The following CAPN14 variants were observed in gnomAD, a reference collection of about 807,000 sequenced individuals.
CAPN14 encodes the protein calpain-14.
Under a neutral mutation model 101.3 loss-of-function variants are expected in CAPN14, and 94 were observed. The ratio of observed to expected loss-of-function variants is 0.93; its 90% CI spans 0.79 to 1.10. The LOEUF (loss-of-function observed/expected upper bound fraction) is 1.10. CAPN14 is among the 50% of genes least tolerant of loss of function. The pLI, the probability that CAPN14 is intolerant of heterozygous loss-of-function variation, is 0.00. For missense variants in CAPN14, 837 were observed against 828.4 expected, an observed-to-expected ratio of 1.01 and a Z score of -0.13; for synonymous variants, 338 against 317.9, an observed-to-expected ratio of 1.06 and a Z score of -0.67.
At chr2:31,226,970 T>C (rs919710667) in intron 1 of CAPN14, among the ~76,000 whole-genome samples, 1 of 152,230 alleles carries the variant, frequency 6.6e-6, no homozygotes, top group African/African-American at 2.4e-5. Context: ...TCTCTGCACC[T>C]GAGTTTCCCT....
chr2:31,186,013 T>G (rs1331440414), intron 16 of CAPN14, among the ~76,000 whole-genome samples: 2 of 152,218 alleles, frequency 1.3e-5, no homozygotes, highest in East Asian at 3.8e-4. Context: ...AGAGTTTTGT[T>G]GCTTGATCAA....
At position 31,189,343 on chromosome 2, in the gene CAPN14, G is replaced by C; in HGVS notation, c.1423C>G (p.Pro475Ala). ...TTCTGGTGGGCCTCCAATATGCAGG[G>C]CACGATGAGGTACGTCCCTGGTTCC... ...CLEPGTYLIV[P>A]CILEAHQKSE... Residue 475 changes from proline (P) to alanine (A), a missense_variant, in exon 13 of 22, where the codon CCC becomes GCC. By Grantham distance (27) the Pro-to-Ala change is conservative. Transcript: ENST00000403897. 2 of 1,551,730 alleles carry C rather than the reference G, an allele frequency of 1.3e-6. No homozygotes were observed. Among genetic ancestry groups the C allele is most frequent in the Non-Finnish European group, 1.7e-6 (2 of 1,147,012 alleles).
At chr2:31,181,482 TC>T (rs1390692364) in intron 16 of CAPN14, among the ~76,000 whole-genome samples, 1 of 66,774 alleles carries the variant, frequency 1.5e-5, no homozygotes, top group African/African-American at 1.2e-4. Context: ...CTTTTCTTTC[TC>T]TCTCTCTCTC....
At chr2:31,206,884 C>A (rs1682126170) in intron 1 of CAPN14, among the ~76,000 whole-genome samples, 1 of 152,196 alleles carries the variant, frequency 6.6e-6, no homozygotes, top group South Asian at 2.1e-4. Context: ...GGGAACTTAT[C>A]ATTTGTCAGG....
At chr2:31,193,361 G>C in intron 9 of CAPN14, 67 bp from the exon 10 acceptor site, 2 of 1,487,612 alleles carry the variant, frequency 1.3e-6, no homozygotes, top group Non-Finnish European at 1.8e-6. Flanking sequence ...AGGACCCATG[G>C]GGAGGGTGAA....
rs537306076 is a variant in CAPN14 at position 31,185,919 on chromosome 2, T to C, written c.1645+509A>G. Among the ~76,000 whole-genome samples, 5 of 152,352 alleles carry C rather than the reference T, an allele frequency of 3.3e-5. No individual in the cohort carries two copies. The South Asian group carries it at 8.3e-4, about 25-fold the overall frequency. ...AAATATTTTATATGGACTTTAAGCC[T>C]TTCTAATAATTTACCCCAGGCTTCA... On this transcript the variant is annotated intron_variant, in intron 16 of 21. Coordinates refer to ENST00000403897, the MANE Select transcript of CAPN14 (RefSeq NM_001145122.2).
intron 2 of CAPN14, among the ~76,000 whole-genome samples, chr2:31,204,850 G>A (rs1331225896): frequency 6.6e-6 from 1 of 152,164 alleles, no homozygotes; most frequent in Non-Finnish European, 1.5e-5. Flanking sequence ...CCCAAGGAGG[G>A]GATCATGGGA....
chr2:31,189,206 C>A, intron 13 of CAPN14, 67 bp downstream of exon 13: 1 of 1,404,946 alleles, frequency 7.1e-7, no homozygotes, highest in Non-Finnish European at 9.8e-7. Flanking sequence ...CCATTTCCAA[C>A]CTTGCCCTCC....
intron 1 of CAPN14, 118 bp downstream of exon 1, chr2:31,217,338 C>G (rs1252271498): frequency 6.6e-6 from 1 of 152,234 alleles, no homozygotes; most frequent in Non-Finnish European, 1.5e-5. Context: ...CACTCACCTG[C>G]AAAGCTCAAA....
chr2:31,181,386 T>TTCTCTTTCTTTCTTTCTTTCTTTC (rs1171284901), intron 16 of CAPN14, among the ~76,000 whole-genome samples: 6 of 131,278 alleles, frequency 4.6e-5, no homozygotes, highest in East Asian at 2.1e-4. Flanking sequence ...TCTTTTCTTT[T>TTCTCTTTCTTTCTTTCTTTCTTTC]TTTCTTTCTT....
intron 12 of CAPN14, chr2:31,189,733 CA>C: frequency 3.5e-6 from 2 of 576,842 alleles, no homozygotes; most frequent in Non-Finnish European, 6.6e-6. Flanking sequence ...TTAAAAACAA[CA>C]CCAGCACTAA....
At chr2:31,201,703 C>T (rs564987415) in intron 5 of CAPN14, among the ~76,000 whole-genome samples, 159 bp downstream of exon 5, 19 of 152,166 alleles carry the variant, frequency 1.2e-4, no homozygotes, top group Non-Finnish European at 2.1e-4. Flanking sequence ...ATGAGGTGAC[C>T]CCTACATAAA....
At chr2:31,207,505 C>T (rs1450763421) in intron 1 of CAPN14, among the ~76,000 whole-genome samples, 1 of 152,224 alleles carries the variant, frequency 6.6e-6, no homozygotes, top group Non-Finnish European at 1.5e-5. Context: ...CAAGGGCTCA[C>T]ATCTGTAATC....
intron 12 of CAPN14, among the ~76,000 whole-genome samples, chr2:31,190,019 C>T (rs1451788905): frequency 1.3e-5 from 2 of 152,192 alleles, no homozygotes; most frequent in African/African-American, 4.8e-5. Context: ...GGACATTCCG[C>T]ATCATCTCAG....
intron 2 of CAPN14, among the ~76,000 whole-genome samples, chr2:31,225,613 G>A (rs144783164): frequency 6.6e-6 from 1 of 152,132 alleles, no homozygotes; most frequent in Admixed American, 6.5e-5. Context: ...TATTATTGTT[G>A]ACAATAATTT....
At chr2:31,194,975 T>C (rs1681391383) in intron 8 of CAPN14, among the ~76,000 whole-genome samples, 2 of 152,164 alleles carry the variant, frequency 1.3e-5, no homozygotes, top group Admixed American at 6.5e-5. Flanking sequence ...CCCAGGAGGC[T>C]GGAAACAAAC....
intron 1 of CAPN14, among the ~76,000 whole-genome samples, chr2:31,232,222 A>G (rs1390895611): frequency 6.6e-6 from 1 of 152,188 alleles, no homozygotes; most frequent in Non-Finnish European, 1.5e-5. Context: ...AATTAGTGGA[A>G]GAGCTTCTCC....
chr2:31,203,021 TGGTCA>T (rs2148691502), intron 3 of CAPN14, 44 bp downstream of exon 3: 1 of 1,482,472 alleles, frequency 6.7e-7, no homozygotes, highest in Non-Finnish European at 9.2e-7. Flanking sequence ...TGGCCAGGCC[TGGTCA>T]GCAGGCAGCC....
intron 11 of CAPN14, among the ~76,000 whole-genome samples, chr2:31,191,680 C>T (rs1681186022): frequency 6.6e-6 from 1 of 152,214 alleles, no homozygotes; most frequent in African/African-American, 2.4e-5. Flanking sequence ...ATGTGCCAGG[C>T]ACAATAACAA....
Sources: allele counts gnomAD v4.1 joint callset (sites outside exome capture counted in the v4.1 genomes callset), GRCh38; gene constraint gnomAD v4.1.1; transcripts MANE v1.5; gene names NCBI Gene and HGNC (gene_info 2026-07-23, HGNC 2026-07-21).